Variants in PKIG observed in about 807,000 individuals in gnomAD.
PKIG encodes the protein protein kinase (cAMP-dependent, catalytic) inhibitor gamma.
In PKIG, 1 loss-of-function variant was observed where a neutral mutation model predicts 6.8. The ratio of observed to expected loss-of-function variants is 0.15; its 90% confidence interval spans 0.05 to 0.69. The LOEUF (loss-of-function observed/expected upper bound fraction) is 0.69, where lower values mean the gene tolerates loss of function less well. Ranked by LOEUF, PKIG falls within the 30% of genes least tolerant of loss-of-function variation. PKIG has a pLI of 0.82. For missense variants in PKIG, 77 were observed against 104.0 expected (o/e 0.74, Z 1.13); for synonymous variants, 39 against 43.0 (o/e 0.91, Z 0.36).
chr20:44,571,758 T>C (rs956966659), intron 1 of PKIG, among the ~76,000 whole-genome samples: 1 of 152,244 alleles, frequency 6.6e-6, no homozygotes, highest in Non-Finnish European at 1.5e-5. Context: ...GAGTTAAAAC[T>C]GTGCAGAAGG....
intron 2 of PKIG, among the ~76,000 whole-genome samples, chr20:44,595,187 CCCCCTGTGAT>C (rs2065065068): frequency 1.3e-5 from 2 of 152,192 alleles, no homozygotes; most frequent in South Asian, 4.1e-4. Flanking sequence ...GGGTTAAGAG[CCCCCTGTGAT>C]CATAGGTATG....
intron 2 of PKIG, among the ~76,000 whole-genome samples, chr20:44,609,036 G>A (rs965925253): frequency 2.0e-5 from 3 of 152,178 alleles, no homozygotes; most frequent in African/African-American, 7.2e-5. Flanking sequence ...TTCCAACTCT[G>A]AGGATTCTTT....
chr20:44,555,939 C>G (rs2064708774), intron 1 of PKIG, among the ~76,000 whole-genome samples: 4 of 152,228 alleles, frequency 2.6e-5, no homozygotes, highest in Admixed American at 2.6e-4. Context: ...CTCCCAGGTT[C>G]AGGCGATTCT....
chr20:44,555,260 GTA>G (rs1391855717), intron 1 of PKIG, among the ~76,000 whole-genome samples: 1 of 152,148 alleles, frequency 6.6e-6, no homozygotes, highest in Non-Finnish European at 1.5e-5. Flanking sequence ...AGAGATGTGT[GTA>G]TTCTCTACCT....
At chr20:44,542,925 G>A (rs1268365627) in intron 1 of PKIG, among the ~76,000 whole-genome samples, 2 of 152,180 alleles carry the variant, frequency 1.3e-5, no homozygotes, top group East Asian at 1.9e-4. Flanking sequence ...ATTGGGACTT[G>A]TGGTGTGATA....
At chr20:44,562,982 G>A (rs1373664650) in intron 1 of PKIG, among the ~76,000 whole-genome samples, 2 of 152,074 alleles carry the variant, frequency 1.3e-5, no homozygotes, top group South Asian at 2.1e-4. Context: ...CCCAGGAGGC[G>A]GAGGTTGCAG....
intron 1 of PKIG, among the ~76,000 whole-genome samples, chr20:44,551,255 C>T (rs897988830): frequency 3.5e-4 from 54 of 152,186 alleles, no homozygotes; most frequent in Non-Finnish European, 6.3e-4. Flanking sequence ...GGGGTTTCAC[C>T]GTGTTAGCCA....
chr20:44,596,101 CAAAG>C (rs1378566506), intron 2 of PKIG, among the ~76,000 whole-genome samples: 1 of 152,166 alleles, frequency 6.6e-6, no homozygotes, highest in African/African-American at 2.4e-5. Context: ...TGCTATATTT[CAAAG>C]ATACAGTGAC....
upstream of PKIG, among the ~76,000 whole-genome samples, chr20:44,580,613 G>C (rs2064939648): frequency 6.6e-6 from 1 of 151,934 alleles, no homozygotes; most frequent in African/African-American, 2.4e-5. Flanking sequence ...CTCCCAAAGT[G>C]CTAGGATTAC....
At chr20:44,589,984 T>C (rs1029523952) in intron 2 of PKIG, 118 bp downstream of exon 2, 2 of 152,346 alleles carry the variant, frequency 1.3e-5, no homozygotes, top group Non-Finnish European at 2.9e-5. Flanking sequence ...TAGTGGGAGA[T>C]TTTGACCTTA....
At chr20:44,576,831 A>C (rs2064902551) in intron 1 of PKIG, among the ~76,000 whole-genome samples, 1 of 152,198 alleles carries the variant, frequency 6.6e-6, no homozygotes, top group Admixed American at 6.5e-5. Context: ...GGGAGGGGAC[A>C]GTGTGATATC....
At chr20:44,562,627 T>A (rs2064777543) in intron 1 of PKIG, among the ~76,000 whole-genome samples, 1 of 144,230 alleles carries the variant, frequency 6.9e-6, no homozygotes, top group African/African-American at 2.6e-5. Flanking sequence ...AAAAGAGTGC[T>A]TAAAAAAAAA....
intron 1 of PKIG, among the ~76,000 whole-genome samples, chr20:44,570,375 T>G (rs2064844331): frequency 6.6e-6 from 1 of 152,230 alleles, no homozygotes; most frequent in East Asian, 1.9e-4. Context: ...ATTTAATACA[T>G]TTCCACAACT....
At chr20:44,533,326 G>C (rs1323733223) in intron 1 of PKIG, among the ~76,000 whole-genome samples, 2 of 152,146 alleles carry the variant, frequency 1.3e-5, no homozygotes, top group African/African-American at 4.8e-5. Context: ...CACTGCACCT[G>C]GCTAATTCAA....
At chr20:44,561,616 T>A (rs112161145) in intron 1 of PKIG, among the ~76,000 whole-genome samples, 9,211 of 151,830 alleles carry the variant, frequency 0.061, 323 homozygotes, top group African/African-American at 0.093. Flanking sequence ...TTTAAAAAAA[T>A]TTTTTTTTCA....
chr20:44,544,882 C>CTTTCT (rs1220779820), intron 1 of PKIG, among the ~76,000 whole-genome samples: 20 of 137,142 alleles, frequency 1.5e-4, no homozygotes, highest in South Asian at 4.6e-4. Flanking sequence ...TGACTTTCCT[C>CTTTCT]TTTCTTTTCT....
intron 1 of PKIG, among the ~76,000 whole-genome samples, chr20:44,575,321 C>T (rs2064887477): frequency 1.3e-5 from 2 of 152,286 alleles, no homozygotes; most frequent in South Asian, 2.1e-4. Context: ...TGGGTTCAAA[C>T]GATGCTCCTG....
At chr20:44,582,228 A>G (rs563084910), upstream of PKIG, among the ~76,000 whole-genome samples, 18 of 152,334 alleles carry the variant, frequency 1.2e-4, no homozygotes, top group South Asian at 3.7e-3. Flanking sequence ...AGTATATTAT[A>G]TACCAAAGAA....
chr20:44,567,391 A>G (rs1270982031), intron 1 of PKIG, among the ~76,000 whole-genome samples: 2 of 152,246 alleles, frequency 1.3e-5, no homozygotes, highest in Non-Finnish European at 2.9e-5. Flanking sequence ...GAGGCTGCTC[A>G]GGGCATTTCT....
Sources: gnomAD v4.1 joint callset for allele counts (sites outside exome capture counted in the v4.1 genomes callset) on GRCh38, gnomAD v4.1.1 for gene constraint, MANE v1.5 for transcripts, NCBI Gene and HGNC (gene_info 2026-07-23, HGNC 2026-07-21) for gene names.